The following SUCO variants were observed in gnomAD, a reference collection of about 807,000 sequenced individuals.
SUCO encodes the protein SUN domain containing ossification factor.
A neutral mutation model predicts 148.1 loss-of-function variants in SUCO; 57 were observed. That is an observed-to-expected ratio of 0.38 (90% CI 0.31 to 0.48). The LOEUF is 0.48. SUCO is among the 20% of genes least tolerant of loss of function. The pLI, the probability that SUCO is intolerant of heterozygous loss-of-function variation, is 0.96. For synonymous variants in SUCO, 470 were observed against 502.7 expected (o/e 0.93, Z 0.87); for missense variants, 1,331 against 1,468.2 (o/e 0.91, Z 1.53).
At chr1:172,558,359 A>G (rs1367304240) in intron 6 of SUCO, among the ~76,000 whole-genome samples, 3 of 152,200 alleles carry the variant, frequency 2.0e-5, no homozygotes, top group Non-Finnish European at 4.4e-5. Flanking sequence ...CATGCACTGT[A>G]GAATTTCTTG....
At chr1:172,586,444 G>C (rs1319417611) in intron 17 of SUCO, among the ~76,000 whole-genome samples, 4 of 152,120 alleles carry the variant, frequency 2.6e-5, no homozygotes, top group Non-Finnish European at 5.9e-5. Flanking sequence ...AGGTTGCAGT[G>C]GGGACACTTT....
At chr1:172,547,026 C>G (rs1013560414) in intron 1 of SUCO, among the ~76,000 whole-genome samples, 2 of 152,202 alleles carry the variant, frequency 1.3e-5, no homozygotes, top group Non-Finnish European at 2.9e-5. Flanking sequence ...ATTCTCATCA[C>G]CCTAGAAAGT....
At chr1:172,568,309 AC>A (rs1654702234) in intron 6 of SUCO, 15 of 397,936 alleles carry the variant, frequency 3.8e-5, no homozygotes, top group South Asian at 1.1e-4. Context: ...TTTGCTTCCC[AC>A]CCACCCCATC....
Position 172,551,503 on chromosome 1 carries a change from G to A in SUCO, c.63-9G>A, listed in dbSNP as rs1653296016. The stretch of plus-strand genomic sequence containing the variant: ...TTTCTGTTTGTTGGTGGTGGTGGGT[G>A]TTTTACAGGCTTCCCAGCTGGCGTG... On this transcript the variant is annotated splice_polypyrimidine_tract_variant and intron_variant, in intron 1 of 23. Transcript: ENST00000263688. 2 of 1,566,958 alleles carry A rather than the reference G, an allele frequency of 1.3e-6. No homozygotes were observed. Among genetic ancestry groups the A allele is most frequent in the Non-Finnish European group, 1.7e-6 (2 of 1,151,206 alleles).
chr1:172,584,722 G>A (rs1232203290), intron 15 of SUCO, among the ~76,000 whole-genome samples: 2 of 152,116 alleles, frequency 1.3e-5, no homozygotes. Flanking sequence ...GTTGCAGTGA[G>A]CCGAGATTGC....
chr1:172,532,570 C>T (rs371183733), upstream of SUCO: 2 of 1,613,830 alleles, frequency 1.2e-6, no homozygotes, highest in Admixed American at 1.7e-5. Flanking sequence ...GTGCAGCTTC[C>T]CTCACAACAC....
intron 11 of SUCO, among the ~76,000 whole-genome samples, 190 bp from the exon 12 acceptor site, chr1:172,577,349 T>C (rs943982988): frequency 5.9e-5 from 9 of 151,710 alleles, no homozygotes; most frequent in African/African-American, 2.2e-4. Context: ...TACTCTCAGG[T>C]AGTGATGGCA....
At chr1:172,567,358 A>G (rs905453564) in intron 6 of SUCO, among the ~76,000 whole-genome samples, 4 of 152,190 alleles carry the variant, frequency 2.6e-5, no homozygotes, top group African/African-American at 9.7e-5. Context: ...TTCATTATTC[A>G]GTTTAAGAGG....
At chr1:172,600,920 A>T (rs1443737188) in intron 20 of SUCO, among the ~76,000 whole-genome samples, 2 of 152,226 alleles carry the variant, frequency 1.3e-5, no homozygotes, top group Non-Finnish European at 2.9e-5. Flanking sequence ...TGTGTTTGAC[A>T]GCAGAAAGAA....
chr1:172,591,159 T>G, intron 19 of SUCO, 88 bp downstream of exon 19: 3 of 977,382 alleles, frequency 3.1e-6, no homozygotes, highest in South Asian at 1.8e-5. Context: ...GTATTGTAGT[T>G]TCACTTTTTC....
chr1:172,601,643 T>C (rs573123384), intron 20 of SUCO, among the ~76,000 whole-genome samples: 1 of 152,338 alleles, frequency 6.6e-6, no homozygotes, highest in South Asian at 2.1e-4. Flanking sequence ...GAACTAAGGT[T>C]GATCTCTAAG....
chr1:172,565,166 A>G (rs1196902811), intron 6 of SUCO, among the ~76,000 whole-genome samples: 4 of 152,244 alleles, frequency 2.6e-5, no homozygotes, highest in Non-Finnish European at 5.9e-5. Flanking sequence ...AAGGGTTGCC[A>G]AAGTGGAGAC....
chr1:172,533,705 C>G (rs1651796905), intron 1 of SUCO, among the ~76,000 whole-genome samples: 1 of 152,158 alleles, frequency 6.6e-6, no homozygotes, highest in African/African-American at 2.4e-5. Flanking sequence ...TTGGAATTTA[C>G]AGAGACTCAG....
At chr1:172,608,880 G>A (rs1420401951) in intron 23 of SUCO, 78 bp downstream of exon 23, 1 of 976,832 alleles carries the variant, frequency 1.0e-6, no homozygotes, top group Admixed American at 2.2e-5. Context: ...AAGGTTTAAG[G>A]TAATTACCTT....
At chr1:172,602,432 G>A (rs1657588496) in intron 21 of SUCO, 1 of 982,950 alleles carries the variant, frequency 1.0e-6, no homozygotes. Context: ...AATAGTAAGT[G>A]CATGAAACCC....
chr1:172,608,661 T>C, intron 22 of SUCO, 86 bp from the exon 23 acceptor site: 1 of 874,104 alleles, frequency 1.1e-6, no homozygotes, highest in South Asian at 1.4e-5. Context: ...GAATGAATGA[T>C]TTGTCTTATT....
chr1:172,551,466 T>C, intron 1 of SUCO, 46 bp from the exon 2 acceptor site: 1 of 1,262,896 alleles, frequency 7.9e-7, no homozygotes, highest in African/African-American at 1.5e-5. Flanking sequence ...CTTCTTTCTT[T>C]CTCTTTCTCT....
In SUCO at chr1:172,591,267, T is replaced by A. The variant is rs369531260; in HGVS notation, c.2913+196T>A. On this transcript the variant is annotated intron_variant, in intron 19 of 23. Transcript: ENST00000263688. The stretch of plus-strand genomic sequence containing the variant: ...ATCATTATCTTCTGTAGAGAAAGAT[T>A]TGTTTAATTTTTTTTTTAATTATAC... Among the ~76,000 whole-genome samples the A allele has an allele frequency of 2.6e-5, 4 of 152,046 alleles. No homozygotes were observed. The East Asian group carries it at 7.7e-4, about 29-fold the overall frequency.
intron 6 of SUCO, among the ~76,000 whole-genome samples, chr1:172,558,621 A>G (rs1653918139): frequency 6.6e-6 from 1 of 152,178 alleles, no homozygotes; most frequent in African/African-American, 2.4e-5. Flanking sequence ...GACTTTCACT[A>G]TCACGGGACC....
Sources: gnomAD v4.1 joint callset for allele counts (sites outside exome capture counted in the v4.1 genomes callset) on GRCh38, gnomAD v4.1.1 for gene constraint, MANE v1.5 for transcripts, NCBI Gene and HGNC (gene_info 2026-07-23, HGNC 2026-07-21) for gene names.